Variants in SIDT2 observed in about 807,000 individuals in gnomAD.
SIDT2 encodes SID1 transmembrane family, member 2.
A neutral mutation model predicts 114.4 loss-of-function variants in SIDT2; 68 were observed. That is an observed-to-expected ratio of 0.59 (90% confidence interval 0.49 to 0.73). The LOEUF (loss-of-function observed/expected upper bound fraction) is 0.73. Ranked by LOEUF, SIDT2 falls within the 30% of genes least tolerant of loss-of-function variation. The pLI is 0.00. For missense variants in SIDT2, 918 were observed against 1,097.1 expected (o/e 0.84, Z 2.31); for synonymous variants, 470 against 438.4 (o/e 1.07, Z -0.90).
chr11:117,181,292 C>T (rs1296372943), intron 1 of SIDT2, 124 bp from the exon 2 acceptor site: 1 of 1,406,750 alleles, frequency 7.1e-7, no homozygotes, highest in Admixed American at 2.0e-5. Flanking sequence ...AGATGACTCC[C>T]TGGCCCGACC....
intron 2 of SIDT2, 121 bp downstream of exon 2, chr11:117,181,658 C>A: frequency 6.4e-7 from 1 of 1,573,456 alleles, no homozygotes; most frequent in South Asian, 1.2e-5. Flanking sequence ...TGGTCAACAG[C>A]ACAAGGGCCG....
In SIDT2 at chr11:117,190,398, C is replaced by A; in HGVS notation, c.1617+109C>A. ...GCCTGGCCCTGCCTTCCCCAGCTCT[C>A]CCCTCCCCAGTTCTGTCTGGCCCAC... On this transcript the variant is annotated intron_variant, in intron 17 of 25. Transcript: ENST00000324225. This position sits in a 1 kb window ranked among gnomAD's most constrained non-coding sequence, Gnocchi z 4.1. 6.8e-7 allele frequency: 1 copy of A among 1,478,388 alleles called. No homozygotes were observed. Among genetic ancestry groups the A allele is most frequent in the South Asian group, 1.4e-5 (1 of 73,214 alleles). The allele number at this position is 1,478,388 out of a possible 1,614,324, so 91.6% of individuals were successfully genotyped here.
chr11:117,189,198 G>A lies in SIDT2; in HGVS notation c.1308G>A (p.Arg436=). Residue 436 remains arginine (R), a synonymous_variant, in exon 14 of 26, where the codon CGG becomes CGA. Coordinates refer to ENST00000324225, the MANE Select transcript of SIDT2 (RefSeq NM_001040455.2). ...ACCTCTATGTGGCTGACCTGGCACG[G>A]AAGGACAAGCGTGTTCTGCGGAAAA... is the stretch of plus-strand genomic sequence containing the variant. ...KQYLYVADLA[R]KDKRVLRKKY... 1 of 1,614,262 alleles carries A rather than the reference G, an allele frequency of 6.2e-7. No individual in the cohort carries two copies. Among genetic ancestry groups the A allele is most frequent in the Non-Finnish European group, 8.5e-7 (1 of 1,180,056 alleles).
Position 117,179,438 on chromosome 11 carries a change from C to T in SIDT2, c.175C>T (p.Arg59Cys). Reference protein sequence around the residue: ...NIYTFNHTVTRNRTEGVRVSV... With the variant: ...NIYTFNHTVTCNRTEGVRVSV... ...CTACACCTTCAACCATACTGTGACC[C>T]GCAACAGGGTGAGGGCTGGGGGCTT... Residue 59 changes from arginine to cysteine, a missense_variant, in exon 1 of 26, where the codon CGC becomes TGC. Arg to Cys is a radical substitution (Grantham distance 180). This residue lies in a region of SIDT2 where 553 missense variants were observed against 600.1 expected (regional missense o/e 0.92). Transcript: ENST00000324225. The T allele has an allele frequency of 1.9e-6, 3 of 1,612,996 alleles. No homozygotes were observed. Among genetic ancestry groups the T allele is most frequent in the Non-Finnish European group, 2.5e-6 (3 of 1,179,290 alleles).
In SIDT2 at chr11:117,179,330, C is replaced by G. The variant is rs2030168716; in HGVS notation, c.67C>G (p.Leu23Val). Residue 23 changes from leucine (L) to valine (V), a missense_variant, in exon 1 of 26, where the codon CTG (leucine) becomes GTG (valine). Physicochemically the swap from Leu to Val is conservative, Grantham distance 32. Around this residue, in one of 4 missense-constraint regions of SIDT2, gnomAD observed 553 missense variants for 600.1 expected, o/e 0.92. Transcript: ENST00000324225. ...VASVESHLGV[L>V]GPKNVSQKDA... ...CTCGGTCGAGAGCCATCTGGGGGTT[C>G]TGGGGCCCAAGAACGTCTCGCAGAA... The G allele has an allele frequency of 6.2e-7, 1 of 1,614,204 alleles. No individual in the cohort carries two copies. The highest frequency in any genetic ancestry group is 8.5e-7 in the Non-Finnish European group (1 of 1,180,026).
chr11:117,189,669 T>A (rs946260302), intron 15 of SIDT2: 5 of 599,088 alleles, frequency 8.3e-6, no homozygotes, highest in Non-Finnish European at 1.5e-5. Context: ...GTCCTGGGGC[T>A]TTGTAAGCAT....
At position 117,188,825 on chromosome 11, in the gene SIDT2, A is replaced by C; in HGVS notation, c.1277A>C (p.Lys426Thr). The change falls in exon 13 of 26, where the codon AAG (lysine) becomes ACG (threonine). Residue 426 changes from lysine (K) to threonine (T), a missense_variant and splice_region_variant. Physicochemically the swap from Lys to Thr is moderately conservative, Grantham distance 78. Around this residue, in one of 4 missense-constraint regions of SIDT2, gnomAD observed 553 missense variants for 600.1 expected, o/e 0.92. Transcript: ENST00000324225. The surrounding 1 kb of genome is among the most constrained non-coding windows in gnomAD (Gnocchi z 4.0). The stretch of plus-strand genomic sequence containing the variant: ...TCCGACAAGAATGTCATTCGCACCA[A>C]GGTCTGACCCGTGGGCCTGGCCTGG... ...IDSDKNVIRTKQYLYVADLAR... is the reference protein window; with the variant it reads ...IDSDKNVIRTTQYLYVADLAR... The C allele has an allele frequency of 6.2e-7, 1 of 1,613,782 alleles. No homozygotes were observed. Among genetic ancestry groups the C allele is most frequent in the African/African-American group, 1.3e-5 (1 of 75,024 alleles).
chr11:117,193,703 CTG>C, intron 23 of SIDT2, 148 bp from the exon 24 acceptor site: 1 of 615,060 alleles, frequency 1.6e-6, no homozygotes, highest in Admixed American at 2.7e-5. Flanking sequence ...AGGTTGAGCT[CTG>C]TGGTTGTGCG....
chr11:117,182,601 TCTC>T lies in SIDT2; in HGVS notation c.601_603del (p.Ser201del). The stretch of plus-strand genomic sequence containing the variant: ...AACAAGGCCTTCCCCTGCTCAGTCA[TCTC>T]CATTCAGGATGTGCTGGTGAGTTGC... On this transcript the variant is annotated inframe_deletion, in exon 5 of 26. Coordinates refer to ENST00000324225, the MANE Select transcript of SIDT2 (RefSeq NM_001040455.2). 1 of 1,614,232 alleles carries T rather than the reference TCTC, an allele frequency of 6.2e-7. No homozygotes were observed. The highest frequency in any genetic ancestry group is 8.5e-7 in the Non-Finnish European group (1 of 1,180,036).
chr11:117,195,762 G>A (rs776008332), intron 24 of SIDT2, 40 bp from the exon 25 acceptor site: 2 of 1,605,562 alleles, frequency 1.2e-6, no homozygotes, highest in Non-Finnish European at 1.7e-6. Flanking sequence ...TGCCCTGCCA[G>A]AGCAGGGTCA....
chr11:117,186,740 T>A, intron 10 of SIDT2, 104 bp downstream of exon 10: 1 of 917,820 alleles, frequency 1.1e-6, no homozygotes, highest in East Asian at 3.7e-5. Flanking sequence ...GGCTGGGGGT[T>A]TCTGGATGTT....
Position 117,189,974 on chromosome 11 carries a change from A to AGGACATCT in SIDT2, c.1444_1451dup (p.Cys484TrpfsTer77). Reference sequence around the variant, plus strand: ...CAGGTGGTGAATGTCACAGGGAATCAGGACATCTGCTACTACAACTTCCTC... The same window carrying AGGACATCT: ...CAGGTGGTGAATGTCACAGGGAATCAGGACATCTGGACATCTGCTACTACAACTTCCTC... On this transcript the variant is annotated frameshift_variant, in exon 16 of 26. Coordinates refer to ENST00000324225, the MANE Select transcript of SIDT2 (RefSeq NM_001040455.2). LOFTEE classifies it high-confidence loss of function. 6.2e-7 allele frequency: 1 copy of AGGACATCT among 1,614,198 alleles called. No individual in the cohort carries two copies. Among genetic ancestry groups the AGGACATCT allele is most frequent in the Non-Finnish European group, 8.5e-7 (1 of 1,180,032 alleles).
rs528009631 is a variant in SIDT2 at position 117,192,007 on chromosome 11, T to C, written c.1865T>C (p.Leu622Pro). 1 of 1,614,198 alleles carries C rather than the reference T, an allele frequency of 6.2e-7. No homozygotes were observed. Among genetic ancestry groups the C allele is most frequent in the South Asian group, 1.1e-5 (1 of 91,084 alleles). Residue 622 changes from leucine to proline, a missense_variant, in exon 19 of 26, where the codon CTG becomes CCG. Physicochemically the swap from Leu to Pro is moderately conservative, Grantham distance 98 (BLOSUM62 -3). Transcript: ENST00000324225. The surrounding 1 kb of genome is among the most constrained non-coding windows in gnomAD (Gnocchi z 5.9). ...GCCATTGTCATCTTCTTCTCTGTGC[T>C]GGGCGTGGTGAGGGCCTGACCTGCT... ...CLAIVIFFSVLGVVFGKGNTA... is the reference protein window; with the variant it reads ...CLAIVIFFSVPGVVFGKGNTA...
chr11:117,194,897 G>A (rs1236335545), intron 24 of SIDT2, among the ~76,000 whole-genome samples: 1 of 151,788 alleles, frequency 6.6e-6, no homozygotes, highest in African/African-American at 2.4e-5. Flanking sequence ...GACCATCCTG[G>A]CCAACATGGT....
At chr11:117,183,430 G>T (rs900561168) in intron 6 of SIDT2, among the ~76,000 whole-genome samples, 2 of 151,930 alleles carry the variant, frequency 1.3e-5, no homozygotes, top group Non-Finnish European at 2.9e-5. Context: ...CTGAGATCAG[G>T]CGTTCAAGAC....
rs760626917 is a variant in SIDT2, at chr11:117,192,219, C to T, written c.1873-35C>T. The T allele has an allele frequency of 1.3e-6, 2 of 1,488,548 alleles. No individual in the cohort carries two copies. Among genetic ancestry groups the T allele is most frequent in the Non-Finnish European group, 1.9e-6 (2 of 1,066,274 alleles). 92.2% of individuals were successfully genotyped at this position (1,488,548 alleles called of 1,614,324 possible). The stretch of plus-strand genomic sequence containing the variant: ...GGGCCATCCGAGCCACTTCCCTCTC[C>T]ACCCTCACCGCTGCCCTTGGTGGCC... On this transcript the variant is annotated intron_variant, in intron 19 of 25. Coordinates refer to ENST00000324225, the MANE Select transcript of SIDT2 (RefSeq NM_001040455.2). The surrounding 1 kb of genome is among the most constrained non-coding windows in gnomAD (Gnocchi z 5.9).
At chr11:117,195,633 A>G (rs939058867) in intron 24 of SIDT2, among the ~76,000 whole-genome samples, 169 bp from the exon 25 acceptor site, 2 of 152,164 alleles carry the variant, frequency 1.3e-5, no homozygotes, top group African/African-American at 4.8e-5. Flanking sequence ...ACCAAAGGCC[A>G]TTTGTTAGAT....
intron 6 of SIDT2, 147 bp from the exon 7 acceptor site, chr11:117,183,632 C>T: frequency 1.6e-6 from 1 of 629,638 alleles, no homozygotes. Flanking sequence ...GAGTGAAACT[C>T]CGTCTCAAAA....
chr11:117,181,955 G>T lies in SIDT2; in HGVS notation c.454G>T (p.Asp152Tyr), dbSNP rs1373817361. ...TTYQLRVSRM[D>Y]DFVLRTGEQF... ...ATACCAGCTCCGGGTCAGCCGCATG[G>T]ACGATTTTGTGCTCAGGTCTGCAGG... is the stretch of plus-strand genomic sequence containing the variant. The change falls in exon 3 of 26, where the codon GAC becomes TAC. Residue 152 changes from aspartate (D) to tyrosine (Y), a missense_variant. Coordinates refer to ENST00000324225, the MANE Select transcript of SIDT2 (RefSeq NM_001040455.2). 1 of 1,614,180 alleles carries T rather than the reference G, an allele frequency of 6.2e-7. No homozygotes were observed.
Sources: allele counts gnomAD v4.1 joint callset (sites outside exome capture counted in the v4.1 genomes callset), GRCh38; gene constraint gnomAD v4.1.1; regional missense constraint gnomAD v4.1.1; non-coding constraint Gnocchi (gnomAD v3.1); transcripts MANE v1.5; gene names NCBI Gene and HGNC (gene_info 2026-07-23, HGNC 2026-07-21).